Variants in TENM3 observed in about 807,000 individuals in gnomAD.
TENM3 encodes the protein teneurin transmembrane protein 3, also known as teneurin-3.
In TENM3, 63 loss-of-function variants were observed where a neutral mutation model predicts 255.1. The ratio of observed to expected loss-of-function variants is 0.25; its 90% CI spans 0.20 to 0.30. The LOEUF (loss-of-function observed/expected upper bound fraction) is 0.30, where lower values mean the gene tolerates loss of function less well. Among genes scored for constraint, TENM3 ranks in the 10% least tolerant of loss-of-function variants. TENM3 has a pLI of 1.00. For synonymous variants in TENM3, 1,306 were observed against 1,322.3 expected, an observed-to-expected ratio of 0.99 and a Z score of 0.27; for missense variants, 2,929 against 3,461.1, an observed-to-expected ratio of 0.85 and a Z score of 3.86.
At chr4:181,487,198 G>C in the TENM3 span, among the ~76,000 whole-genome samples, 1 of 152,196 alleles carries the variant, frequency 6.6e-6, no homozygotes, top group East Asian at 1.9e-4. Context: ...GTAGCAGAAA[G>C]TGTGACGGAT....
At chr4:181,907,674 A>G in the TENM3 span, among the ~76,000 whole-genome samples, 2 of 152,066 alleles carry the variant, frequency 1.3e-5, no homozygotes, top group South Asian at 2.1e-4. Context: ...AGACAGCGCC[A>G]TTGCCCTATG....
chr4:181,847,855 TAG>T, the TENM3 span, among the ~76,000 whole-genome samples: 2 of 152,166 alleles, frequency 1.3e-5, no homozygotes, highest in African/African-American at 4.8e-5. Flanking sequence ...AAGTCTATAT[TAG>T]AGTACAATTT....
At chr4:182,144,618 C>G (rs1489691331), upstream of TENM3, 6 of 148,828 alleles carry the variant, frequency 4.0e-5, no homozygotes, top group Admixed American at 2.0e-4. Context: ...GGCGCCCGCT[C>G]CCCGCTCCCT....
At chr4:182,692,911 C>T (rs1024480593) in intron 12 of TENM3, among the ~76,000 whole-genome samples, 3 of 151,714 alleles carry the variant, frequency 2.0e-5, no homozygotes, top group Non-Finnish European at 2.9e-5. Context: ...GTGTAGTAGC[C>T]CTATTTGAAG....
chr4:181,832,465 G>A, the TENM3 span, among the ~76,000 whole-genome samples: 1 of 152,304 alleles, frequency 6.6e-6, no homozygotes, highest in South Asian at 2.1e-4. Flanking sequence ...CGGGGTTTCA[G>A]TGTTCTATTA....
At chr4:181,649,597 G>C in the TENM3 span, among the ~76,000 whole-genome samples, 1 of 152,178 alleles carries the variant, frequency 6.6e-6, no homozygotes, top group African/African-American at 2.4e-5. Context: ...GTCATTATGG[G>C]AACCCAAATG....
chr4:181,604,126 G>A, the TENM3 span, among the ~76,000 whole-genome samples: 16 of 152,040 alleles, frequency 1.1e-4, no homozygotes, highest in East Asian at 9.7e-4. Context: ...TTAGCCGGGC[G>A]TGGTGGCGGG....
chr4:181,812,356 T>C, the TENM3 span, among the ~76,000 whole-genome samples: 1 of 152,206 alleles, frequency 6.6e-6, no homozygotes, highest in Admixed American at 6.5e-5. Context: ...AATGAAATAT[T>C]AGTTTTTCAG....
At chr4:182,505,582 G>A (rs555312029) in intron 3 of TENM3, among the ~76,000 whole-genome samples, 10 of 152,010 alleles carry the variant, frequency 6.6e-5, no homozygotes, top group African/African-American at 1.2e-4. Context: ...AGGTTCAAGC[G>A]ATTCTCCTGC....
the TENM3 span, among the ~76,000 whole-genome samples, chr4:181,561,586 T>C: frequency 2.6e-5 from 4 of 152,238 alleles, no homozygotes; most frequent in Non-Finnish European, 5.9e-5. Flanking sequence ...CTTCACTTAG[T>C]AGAACTTTAC....
rs774138806 is a variant in TENM3, at chr4:182,324,274, A to C, written c.232+22A>C. ...CAAGGTGGGTAACTGTCCTAGTAAA[A>C]TAAGGCAATGCTCACGTTACTAACT... On this transcript the variant is annotated intron_variant, in intron 2 of 27. Transcript: ENST00000511685. 7 of 1,537,152 alleles carry C rather than the reference A, an allele frequency of 4.6e-6. No individual in the cohort carries two copies. In the South Asian group the frequency reaches 7.8e-5, roughly 17 times the overall value.
chr4:182,152,738 T>A (rs115400500), intron 1 of TENM3, among the ~76,000 whole-genome samples: 2 of 151,884 alleles, frequency 1.3e-5, no homozygotes, highest in Non-Finnish European at 2.9e-5. Context: ...CTTTAAAAAT[T>A]TAAAGTTTTT....
chr4:181,826,088 T>A, the TENM3 span, among the ~76,000 whole-genome samples: 5 of 152,170 alleles, frequency 3.3e-5, no homozygotes, highest in Non-Finnish European at 7.3e-5. Flanking sequence ...AGCACAAATT[T>A]GTTAGTAGTG....
At chr4:181,718,612 T>G in the TENM3 span, among the ~76,000 whole-genome samples, 1 of 152,228 alleles carries the variant, frequency 6.6e-6, no homozygotes, top group East Asian at 1.9e-4. Context: ...GCAATGGAAA[T>G]TGCATATTTA....
the TENM3 span, among the ~76,000 whole-genome samples, chr4:181,972,434 T>TC: frequency 1.6e-5 from 1 of 63,740 alleles, no homozygotes; most frequent in Non-Finnish European, 3.0e-5. Flanking sequence ...GACCTCCTTG[T>TC]CCAAAAAAAA....
chr4:181,519,618 G>A, the TENM3 span, among the ~76,000 whole-genome samples: 1 of 152,180 alleles, frequency 6.6e-6, no homozygotes, highest in African/African-American at 2.4e-5. Flanking sequence ...AGATTGTGAT[G>A]TGATATTGAA....
the TENM3 span, among the ~76,000 whole-genome samples, chr4:182,094,941 T>TAAA: frequency 1.1e-3 from 113 of 105,674 alleles, no homozygotes; most frequent in African/African-American, 3.9e-3. Context: ...AAATAGAAGG[T>TAAA]AAAAAAAAAA....
the TENM3 span, among the ~76,000 whole-genome samples, chr4:181,634,928 C>G: frequency 6.6e-6 from 1 of 152,054 alleles, no homozygotes; most frequent in African/African-American, 2.4e-5. Context: ...GAAAAACATA[C>G]TCTATATTCA....
Position 182,799,757 on chromosome 4 carries a change from G to A in TENM3, c.7506G>A (p.Leu2502=), listed in dbSNP as rs1320451071. The change falls in exon 28 of 28, where the codon CTG becomes CTA. Residue 2502 remains leucine (L), a synonymous_variant. Coordinates refer to ENST00000511685, the MANE Select transcript of TENM3 (RefSeq NM_001080477.4). This position sits in a 1 kb window ranked among gnomAD's most constrained non-coding sequence, Gnocchi z 4.2. ...VKSLIGKGVM[L]AVSQGRVQTN... is the part of the protein sequence containing the mutation. ...CGCTGATCGGCAAGGGCGTCATGCT[G>A]GCCGTCAGCCAGGGCCGCGTGCAGA... 23 of 1,573,890 alleles carry A rather than the reference G, an allele frequency of 1.5e-5. No homozygotes were observed. Among genetic ancestry groups the A allele is most frequent in the Non-Finnish European group, 1.9e-5 (22 of 1,161,016 alleles).
Sources: gnomAD v4.1 joint callset for allele counts (sites outside exome capture counted in the v4.1 genomes callset) on GRCh38, gnomAD v4.1.1 for gene constraint, Gnocchi (gnomAD v3.1) non-coding constraint, MANE v1.5 for transcripts, NCBI Gene and HGNC (gene_info 2026-07-23, HGNC 2026-07-21) for gene names.